The following PKP4 variants were observed in gnomAD, a reference collection of about 807,000 sequenced individuals.
PKP4 encodes plakophilin-4.
Under a neutral mutation model 145.1 loss-of-function variants are expected in PKP4, and 90 were observed. The observed-to-expected ratio is 0.62, with a 90% CI of 0.52 to 0.74. The LOEUF (loss-of-function observed/expected upper bound fraction) is 0.74. Ranked by LOEUF, PKP4 falls within the 30% of genes least tolerant of loss-of-function variation. The pLI is 0.00. For missense variants in PKP4, 1,340 were observed against 1,482.7 expected (o/e 0.90, Z 1.58); for synonymous variants, 563 against 577.2 (o/e 0.98, Z 0.35).
intron 2 of PKP4, among the ~76,000 whole-genome samples, chr2:158,535,651 C>T (rs1170554785): frequency 1.3e-5 from 2 of 152,010 alleles, no homozygotes; most frequent in African/African-American, 4.8e-5. Context: ...AACTCCTGGC[C>T]GCATGCAGTC....
chr2:158,587,798 C>A (rs1186029029), intron 3 of PKP4, among the ~76,000 whole-genome samples: 1 of 151,954 alleles, frequency 6.6e-6, no homozygotes, highest in African/African-American at 2.4e-5. Flanking sequence ...ATTTTCTCTT[C>A]CCCATAGCTA....
chr2:158,476,514 A>G (rs1171762171), intron 1 of PKP4, among the ~76,000 whole-genome samples: 2 of 151,640 alleles, frequency 1.3e-5, no homozygotes, highest in Non-Finnish European at 2.9e-5. Context: ...ATTTTTTTCT[A>G]GAGACAGAAT....
chr2:158,519,665 CTT>C (rs2042201192), intron 1 of PKP4, among the ~76,000 whole-genome samples: 1 of 152,154 alleles, frequency 6.6e-6, no homozygotes, highest in Non-Finnish European at 1.5e-5. Flanking sequence ...TAGCAGTTAT[CTT>C]TCTGACATTT....
At chr2:158,638,084 A>C (rs778372604) in intron 9 of PKP4, among the ~76,000 whole-genome samples, 11 of 152,224 alleles carry the variant, frequency 7.2e-5, no homozygotes, top group Non-Finnish European at 1.2e-4. Context: ...TCAAAGAAAG[A>C]GTAAATCACA....
intron 3 of PKP4, among the ~76,000 whole-genome samples, chr2:158,584,781 AT>A (rs1440977264): frequency 6.6e-6 from 1 of 152,236 alleles, no homozygotes; most frequent in Non-Finnish European, 1.5e-5. Context: ...ATAGTAAAGA[AT>A]TTCAAAACTA....
At chr2:158,594,903 C>A (rs1221227786) in intron 3 of PKP4, among the ~76,000 whole-genome samples, 2 of 152,142 alleles carry the variant, frequency 1.3e-5, no homozygotes. Context: ...TGCCTTCCAA[C>A]TCCCTCGTCC....
At chr2:158,487,907 A>G (rs533297688) in intron 1 of PKP4, among the ~76,000 whole-genome samples, 1 of 152,308 alleles carries the variant, frequency 6.6e-6, no homozygotes, top group East Asian at 1.9e-4. Context: ...CTTGAAATAC[A>G]CCATGTAAAA....
chr2:158,583,477 T>A (rs941439347), intron 3 of PKP4, among the ~76,000 whole-genome samples: 2 of 152,162 alleles, frequency 1.3e-5, no homozygotes, highest in Non-Finnish European at 2.9e-5. Context: ...AAGAGAAAAA[T>A]TCCTGAATCT....
At chr2:158,554,721 T>G (rs181114550) in intron 2 of PKP4, among the ~76,000 whole-genome samples, 118 of 152,266 alleles carry the variant, frequency 7.7e-4, no homozygotes, top group East Asian at 1.9e-3. Flanking sequence ...CACTGCGCCC[T>G]GCCAGAAATG....
intron 4 of PKP4, among the ~76,000 whole-genome samples, chr2:158,606,927 A>G (rs2050705276): frequency 6.6e-6 from 1 of 152,202 alleles, no homozygotes; most frequent in African/African-American, 2.4e-5. Context: ...AGGGAAAATC[A>G]TAAGTATATA....
intron 1 of PKP4, among the ~76,000 whole-genome samples, chr2:158,513,656 C>T (rs895720110): frequency 1.3e-5 from 2 of 152,200 alleles, no homozygotes; most frequent in Non-Finnish European, 2.9e-5. Context: ...ACTCTCCTGA[C>T]TCCAGGTCAC....
At position 158,658,228 on chromosome 2, in the gene PKP4, T is replaced by G. The variant is rs1413700484; in HGVS notation, c.2007T>G (p.Ser669=). The G allele has an allele frequency of 1.9e-6, 3 of 1,599,978 alleles. No homozygotes were observed. The highest frequency in any genetic ancestry group is 2.6e-6 in the Non-Finnish European group (3 of 1,167,576). Residue 669 remains serine, a synonymous_variant, in exon 12 of 22, where the codon TCT becomes TCG. Coordinates refer to ENST00000389759, the MANE Select transcript of PKP4 (RefSeq NM_003628.6). Reference sequence around the variant, plus strand: ...CAAACACTGTGATTGTTCCACATTCTGGATGGAATAACTCTTCTTTTGATG... The same window carrying G: ...CAAACACTGTGATTGTTCCACATTCGGGATGGAATAACTCTTCTTTTGATG... ...TLTNTVIVPH[S]GWNNSSFDDD...
chr2:158,514,606 A>T (rs1426524389), intron 1 of PKP4, among the ~76,000 whole-genome samples: 1 of 152,218 alleles, frequency 6.6e-6, no homozygotes, highest in Non-Finnish European at 1.5e-5. Flanking sequence ...TTTTAAAATC[A>T]AGAGGTTTTT....
intron 1 of PKP4, among the ~76,000 whole-genome samples, chr2:158,486,760 CATGGTATGGAATA>C (rs1375465617): frequency 6.6e-6 from 1 of 152,216 alleles, no homozygotes; most frequent in Non-Finnish European, 1.5e-5. Flanking sequence ...AGGCCATTGT[CATGGTATGGAATA>C]ATGGTGACTG....
Position 158,519,912 on chromosome 2 carries a change from G to A in PKP4, c.-5-13268G>A, listed in dbSNP as rs532395836. On this transcript the variant is annotated intron_variant, in intron 1 of 21. Coordinates refer to ENST00000389759, the MANE Select transcript of PKP4 (RefSeq NM_003628.6). The stretch of plus-strand genomic sequence containing the variant: ...CCCTTAACATTCCAGGTATAACTCT[G>A]AATTTGTCATGATTTTCATTTCGTC... Among the ~76,000 whole-genome samples the A allele has an allele frequency of 7.2e-5, 11 of 151,798 alleles. No individual in the cohort carries two copies. In the South Asian group the frequency reaches 2.1e-3, roughly 29 times the overall value.
chr2:158,670,673 C>T (rs1249384995), intron 17 of PKP4, among the ~76,000 whole-genome samples: 3 of 152,174 alleles, frequency 2.0e-5, no homozygotes, highest in Non-Finnish European at 2.9e-5. Flanking sequence ...CTTGAATCCC[C>T]AGTTCTGGAA....
intron 2 of PKP4, among the ~76,000 whole-genome samples, chr2:158,575,160 C>G (rs1265642521): frequency 6.6e-6 from 1 of 152,224 alleles, no homozygotes; most frequent in Non-Finnish European, 1.5e-5. Flanking sequence ...GTTATAGCCA[C>G]CAAACACACA....
At chr2:158,511,677 G>A (rs1009697637) in intron 1 of PKP4, among the ~76,000 whole-genome samples, 2 of 152,046 alleles carry the variant, frequency 1.3e-5, no homozygotes, top group African/African-American at 2.4e-5. Context: ...GAAAGGGAGA[G>A]CCCTGCCAAC....
At position 158,671,827 on chromosome 2, in the gene PKP4, T is replaced by TG. The variant is rs756471921; in HGVS notation, c.2925-1847dup. 1.7e-3 allele frequency among the ~76,000 whole-genome samples: 255 copies of TG among 152,156 alleles called. 1 individual carries two copies. Among genetic ancestry groups the TG allele is most frequent in the Middle Eastern group, 6.8e-3 (2 of 294 alleles). ...CGCATAATAATGTCAGGGTGGGTGG[T>TG]GGGCCATGCTGGGGAGAGGAATGCT... is the stretch of plus-strand genomic sequence containing the variant. On this transcript the variant is annotated intron_variant, in intron 17 of 21. Transcript: ENST00000389759.
Sources: allele counts gnomAD v4.1 joint callset (sites outside exome capture counted in the v4.1 genomes callset), GRCh38; gene constraint gnomAD v4.1.1; transcripts MANE v1.5; gene names NCBI Gene and HGNC (gene_info 2026-07-23, HGNC 2026-07-21).